The following GTF2F2 variants were observed in gnomAD, a reference collection of about 807,000 sequenced individuals.
GTF2F2 encodes general transcription factor IIF subunit 2, also known as ATP-dependent helicase GTF2F2.
Under a neutral mutation model 42.2 loss-of-function variants are expected in GTF2F2, and 23 were observed. The observed-to-expected ratio is 0.55, with a 90% CI of 0.39 to 0.77. GTF2F2 has a LOEUF of 0.77. Ranked by LOEUF, GTF2F2 falls within the 30% of genes least tolerant of loss-of-function variation. GTF2F2 has a pLI of 0.00. For missense variants in GTF2F2, 261 were observed against 287.2 expected, an observed-to-expected ratio of 0.91 and a Z score of 0.66; for synonymous variants, 105 against 100.8, an observed-to-expected ratio of 1.04 and a Z score of -0.25.
intron 4 of GTF2F2, among the ~76,000 whole-genome samples, chr13:45,159,041 A>AT (rs1870906919): frequency 6.6e-6 from 1 of 152,128 alleles, no homozygotes. Context: ...GGCACAGGTG[A>AT]TTTTTTAAAC....
At chr13:45,245,696 T>C (rs1276030305) in intron 5 of GTF2F2, among the ~76,000 whole-genome samples, 20 of 63,534 alleles carry the variant, frequency 3.1e-4, no homozygotes, top group South Asian at 7.1e-4. Context: ...TATATATATA[T>C]ATATACATAT....
At chr13:45,222,312 A>G (rs1164512188) in intron 5 of GTF2F2, among the ~76,000 whole-genome samples, 2 of 152,192 alleles carry the variant, frequency 1.3e-5, no homozygotes, top group African/African-American at 4.8e-5. Flanking sequence ...AAAGGAATAC[A>G]TACAATACAA....
At chr13:45,270,674 G>C (rs1876751697) in intron 7 of GTF2F2, among the ~76,000 whole-genome samples, 3 of 151,952 alleles carry the variant, frequency 2.0e-5, no homozygotes, top group Admixed American at 2.0e-4. Flanking sequence ...AACCACAGCA[G>C]GTATTTTTAT....
intron 5 of GTF2F2, among the ~76,000 whole-genome samples, chr13:45,234,510 T>C (rs1317874307): frequency 6.6e-6 from 1 of 152,222 alleles, no homozygotes; most frequent in Non-Finnish European, 1.5e-5. Flanking sequence ...TTTGTATATT[T>C]AGGAAAAAAA....
intron 1 of GTF2F2, among the ~76,000 whole-genome samples, chr13:45,128,854 A>G (rs1419233100): frequency 1.3e-5 from 2 of 152,000 alleles, no homozygotes; most frequent in African/African-American, 4.8e-5. Context: ...CAGCCTTCCA[A>G]AGTGCTGAGA....
chr13:45,215,490 T>C (rs1409203899), intron 5 of GTF2F2, among the ~76,000 whole-genome samples: 1 of 152,232 alleles, frequency 6.6e-6, no homozygotes, highest in African/African-American at 2.4e-5. Context: ...CCGGGCGTGA[T>C]GGCTCATGCC....
intron 5 of GTF2F2, among the ~76,000 whole-genome samples, chr13:45,249,581 G>A (rs1055869368): frequency 2.6e-5 from 4 of 152,116 alleles, no homozygotes; most frequent in East Asian, 1.9e-4. Context: ...ATAAGCTACC[G>A]TTTATAAAGA....
intron 7 of GTF2F2, among the ~76,000 whole-genome samples, chr13:45,268,346 AT>A (rs926044744): frequency 2.0e-4 from 31 of 152,000 alleles, no homozygotes; most frequent in African/African-American, 6.0e-4. Context: ...AAAGGACTTG[AT>A]TTTTTTTATT....
chr13:45,216,666 C>T (rs745910419), intron 5 of GTF2F2, among the ~76,000 whole-genome samples: 5 of 151,862 alleles, frequency 3.3e-5, no homozygotes, highest in Admixed American at 6.6e-5. Flanking sequence ...TATAAGCATG[C>T]GCCACCACGC....
intron 6 of GTF2F2, among the ~76,000 whole-genome samples, chr13:45,260,687 AC>A (rs1413946059): frequency 6.6e-6 from 1 of 152,206 alleles, no homozygotes; most frequent in Non-Finnish European, 1.5e-5. Flanking sequence ...ACATATATAT[AC>A]CAAATCCACA....
At chr13:45,156,384 A>T (rs1286290356) in intron 4 of GTF2F2, among the ~76,000 whole-genome samples, 1 of 152,080 alleles carries the variant, frequency 6.6e-6, no homozygotes, top group Admixed American at 6.6e-5. Flanking sequence ...GGATAAATTC[A>T]TTTTTCTAGC....
chr13:45,197,491 A>G (rs1445287121), intron 4 of GTF2F2, among the ~76,000 whole-genome samples: 1 of 148,322 alleles, frequency 6.7e-6, no homozygotes, highest in Non-Finnish European at 1.5e-5. Flanking sequence ...TCTGGGCAAC[A>G]CAGTAAGACC....
At chr13:45,279,406 T>G (rs1877167284) in intron 7 of GTF2F2, among the ~76,000 whole-genome samples, 1 of 152,200 alleles carries the variant, frequency 6.6e-6, no homozygotes, top group African/African-American at 2.4e-5. Context: ...GTAGTACAGT[T>G]TAGTCAGTAA....
chr13:45,274,563 T>TCGTG (rs905375672), intron 7 of GTF2F2, among the ~76,000 whole-genome samples: 3 of 152,070 alleles, frequency 2.0e-5, no homozygotes, highest in African/African-American at 7.2e-5. Flanking sequence ...TCTCCTGACC[T>TCGTG]CGTGATCCGC....
chr13:45,195,153 T>A (rs1281867673), intron 4 of GTF2F2, among the ~76,000 whole-genome samples: 1 of 152,210 alleles, frequency 6.6e-6, no homozygotes, highest in Non-Finnish European at 1.5e-5. Context: ...CAAATAAGAA[T>A]ACTTAACCTG....
At chr13:45,238,978 A>G (rs1875144269) in intron 5 of GTF2F2, among the ~76,000 whole-genome samples, 1 of 152,076 alleles carries the variant, frequency 6.6e-6, no homozygotes, top group African/African-American at 2.4e-5. Flanking sequence ...AAGGAAAAGA[A>G]AAATATATAT....
At chr13:45,159,012 T>A (rs984087116) in intron 4 of GTF2F2, among the ~76,000 whole-genome samples, 7 of 152,186 alleles carry the variant, frequency 4.6e-5, no homozygotes, top group Non-Finnish European at 1.0e-4. Flanking sequence ...CTCACTTTAT[T>A]TTTTGCTCAT....
intron 5 of GTF2F2, among the ~76,000 whole-genome samples, chr13:45,234,614 A>G (rs1359296253): frequency 6.6e-6 from 1 of 152,230 alleles, no homozygotes; most frequent in Non-Finnish European, 1.5e-5. Context: ...TTCTTAATCT[A>G]TCCATGGGTT....
intron 4 of GTF2F2, among the ~76,000 whole-genome samples, chr13:45,199,755 C>T (rs1050363287): frequency 2.0e-5 from 3 of 152,180 alleles, no homozygotes; most frequent in Non-Finnish European, 4.4e-5. Flanking sequence ...ACTTTGAAAA[C>T]TCTTGTAAAG....
Sources: gnomAD v4.1 joint callset for allele counts (sites outside exome capture counted in the v4.1 genomes callset) on GRCh38, gnomAD v4.1.1 for gene constraint, MANE v1.5 for transcripts, NCBI Gene and HGNC (gene_info 2026-07-23, HGNC 2026-07-21) for gene names.